The following SMIM20 variants were observed in gnomAD, a reference collection of about 807,000 sequenced individuals.
SMIM20 encodes small integral membrane protein 20.
In SMIM20, 3 loss-of-function variants were observed where a neutral mutation model predicts 8.7. That is an observed-to-expected ratio of 0.34 (90% confidence interval 0.16 to 0.89). The LOEUF (loss-of-function observed/expected upper bound fraction) is 0.89. SMIM20 is among the 40% of genes least tolerant of loss of function. SMIM20 has a pLI of 0.49. For synonymous variants in SMIM20, 44 were observed against 33.6 expected (o/e 1.31, Z -1.07); for missense variants, 85 against 84.8 (o/e 1.00, Z -0.01).
chr4:25,928,130 C>A, intron 1 of SMIM20, 183 bp from the exon 2 acceptor site: 1 of 444,984 alleles, frequency 2.2e-6, no homozygotes, highest in East Asian at 3.5e-5. Context: ...AATACCCAAT[C>A]TCTTTTGCAT....
At chr4:25,920,064 T>C (rs1719170299) in intron 1 of SMIM20, among the ~76,000 whole-genome samples, 1 of 152,238 alleles carries the variant, frequency 6.6e-6, no homozygotes, top group South Asian at 2.1e-4. Context: ...TTTTGTCTAT[T>C]GGAAAATGTA....
At chr4:25,915,656 T>C (rs1467433501) in intron 1 of SMIM20, among the ~76,000 whole-genome samples, 1 of 152,174 alleles carries the variant, frequency 6.6e-6, no homozygotes, top group African/African-American at 2.4e-5. Context: ...GGGATCTGTT[T>C]CCACCATCCT....
chr4:25,928,241 C>T (rs1205641198), intron 1 of SMIM20, 72 bp from the exon 2 acceptor site: 3 of 1,416,766 alleles, frequency 2.1e-6, no homozygotes, highest in Admixed American at 2.2e-5. Flanking sequence ...ATGTCATTGG[C>T]CCATGTAAAT....
chr4:25,921,652 GAGCTGC>G (rs1227970718), intron 1 of SMIM20, among the ~76,000 whole-genome samples: 3 of 152,226 alleles, frequency 2.0e-5, no homozygotes, highest in African/African-American at 7.2e-5. Flanking sequence ...CGCCGGATGT[GAGCTGC>G]AGCTGGAGAT....
chr4:25,925,005 G>A (rs1462134286), intron 1 of SMIM20, among the ~76,000 whole-genome samples: 2 of 152,134 alleles, frequency 1.3e-5, no homozygotes, highest in African/African-American at 4.8e-5. Flanking sequence ...TATATAAGAT[G>A]TATGTGAAAC....
chr4:25,926,546 C>G (rs994784531), intron 1 of SMIM20, among the ~76,000 whole-genome samples: 9 of 152,208 alleles, frequency 5.9e-5, no homozygotes, highest in African/African-American at 2.2e-4. Context: ...TAGCAATTAG[C>G]AAGAAAGTGT....
At chr4:25,919,495 C>T (rs544387244) in intron 1 of SMIM20, among the ~76,000 whole-genome samples, 1 of 140,098 alleles carries the variant, frequency 7.1e-6, no homozygotes, top group East Asian at 2.0e-4. Flanking sequence ...CATGCCACCA[C>T]GCCCGGCTAA....
At chr4:25,927,769 T>C (rs1711540678) in intron 1 of SMIM20, among the ~76,000 whole-genome samples, 1 of 152,366 alleles carries the variant, frequency 6.6e-6, no homozygotes, top group South Asian at 2.1e-4. Context: ...AATGTGCTAA[T>C]TGGCGCAGCA....
chr4:25,915,961 A>G (rs949325525), intron 1 of SMIM20, among the ~76,000 whole-genome samples: 3 of 151,942 alleles, frequency 2.0e-5, no homozygotes, highest in African/African-American at 7.3e-5. Context: ...ATGACAAAGA[A>G]TTACCCAGCT....
At chr4:25,924,198 A>G (rs748025234) in intron 1 of SMIM20, among the ~76,000 whole-genome samples, 3 of 152,234 alleles carry the variant, frequency 2.0e-5, no homozygotes, top group Non-Finnish European at 4.4e-5. Flanking sequence ...AACAGCAGCA[A>G]CAAAAGCAAC....
chr4:25,914,231 G>C lies in SMIM20; in HGVS notation c.-83G>C, dbSNP rs756587357. 6 of 1,502,278 alleles carry C rather than the reference G, an allele frequency of 4.0e-6. No homozygotes were observed. Among genetic ancestry groups the C allele is most frequent in the East Asian group, 5.0e-5 (2 of 40,212 alleles). 93.1% of individuals were successfully genotyped at this position (1,502,278 alleles called of 1,614,324 possible). A position where few individuals can be genotyped will look rare whatever the true frequency, so the allele number is the denominator to read the frequency against. On this transcript the variant is annotated 5_prime_UTR_variant, in exon 1 of 3. Transcript: ENST00000506197. ...GAAAGCCTCTCCACCTCTTCCGAGC[G>C]GGGTCACGGCCCGGCCGTCGGTAAC...
chr4:25,928,160 A>C (rs1175461610), intron 1 of SMIM20, 153 bp from the exon 2 acceptor site: 1 of 620,972 alleles, frequency 1.6e-6, no homozygotes, highest in Non-Finnish European at 2.6e-6. Flanking sequence ...TAACTTCCAC[A>C]ACCTAAAAGC....
chr4:25,919,797 A>G (rs2109363593), intron 1 of SMIM20, among the ~76,000 whole-genome samples: 1 of 152,296 alleles, frequency 6.6e-6, no homozygotes, highest in East Asian at 1.9e-4. Flanking sequence ...ACCCTTGAAC[A>G]ATACAAGGTC....
intron 1 of SMIM20, among the ~76,000 whole-genome samples, chr4:25,924,900 A>G (rs1350276742): frequency 2.0e-5 from 3 of 152,224 alleles, no homozygotes; most frequent in Non-Finnish European, 2.9e-5. Flanking sequence ...CCAAAATGAC[A>G]CAAGTGGAAA....
intron 1 of SMIM20, among the ~76,000 whole-genome samples, chr4:25,915,599 C>T (rs985696633): frequency 2.0e-5 from 3 of 152,214 alleles, no homozygotes; most frequent in Admixed American, 6.5e-5. Context: ...TCCAGCTTAT[C>T]TGCATGCACC....
chr4:25,925,872 A>T (rs559179540), intron 1 of SMIM20, among the ~76,000 whole-genome samples: 132 of 152,348 alleles, frequency 8.7e-4, no homozygotes, highest in Admixed American at 2.4e-3. Context: ...GCCGGTCTGC[A>T]TGTATTACTA....
intron 1 of SMIM20, among the ~76,000 whole-genome samples, chr4:25,916,354 G>C (rs1184914941): frequency 6.6e-6 from 1 of 151,644 alleles, no homozygotes; most frequent in African/African-American, 2.4e-5. Context: ...GGAATTACAG[G>C]TACCTGCCAC....
At chr4:25,926,906 A>G (rs554935970) in intron 1 of SMIM20, among the ~76,000 whole-genome samples, 4 of 152,318 alleles carry the variant, frequency 2.6e-5, no homozygotes, top group Admixed American at 6.5e-5. Flanking sequence ...ACATGTTGGT[A>G]TCTTCCAAGA....
chr4:25,923,669 G>T (rs376319000), intron 1 of SMIM20, among the ~76,000 whole-genome samples: 3 of 152,208 alleles, frequency 2.0e-5, no homozygotes, highest in Non-Finnish European at 4.4e-5. Context: ...GTTGATTTCC[G>T]CTGCACCTTG....
Sources: allele counts gnomAD v4.1 joint callset (sites outside exome capture counted in the v4.1 genomes callset), GRCh38; gene constraint gnomAD v4.1.1; transcripts MANE v1.5; gene names NCBI Gene and HGNC (gene_info 2026-07-23, HGNC 2026-07-21).